EFCAB7: variants seen among roughly 807,000 people sequenced by gnomAD.
The protein encoded by EFCAB7 is EF-hand calcium binding domain 7.
A neutral mutation model predicts 77.1 loss-of-function variants in EFCAB7; 66 were observed. That is an observed-to-expected ratio of 0.86 (90% CI 0.70 to 1.05). The LOEUF is 1.05. Ranked by LOEUF, EFCAB7 falls within the 50% of genes least tolerant of loss-of-function variation. The pLI is 0.00. For missense variants in EFCAB7, 638 were observed against 730.5 expected, an observed-to-expected ratio of 0.87 and a Z score of 1.46; for synonymous variants, 225 against 243.3, an observed-to-expected ratio of 0.92 and a Z score of 0.70.
chr1:63,559,516 G>A (rs1478687883), intron 10 of EFCAB7, among the ~76,000 whole-genome samples: 4 of 152,116 alleles, frequency 2.6e-5, no homozygotes, highest in Non-Finnish European at 5.9e-5. Context: ...AGGACGGAGT[G>A]TAGTGGTGCA....
intron 1 of EFCAB7, among the ~76,000 whole-genome samples, chr1:63,523,972 C>T (rs541654794): frequency 1.3e-5 from 2 of 152,044 alleles, no homozygotes; most frequent in Admixed American, 6.6e-5. Flanking sequence ...CTGCAATGTA[C>T]TCTCTAGGCC....
chr1:63,546,140 A>G (rs1448153304), intron 7 of EFCAB7, 83 bp downstream of exon 7: 1 of 1,414,194 alleles, frequency 7.1e-7, no homozygotes, highest in African/African-American at 1.4e-5. Flanking sequence ...CCATAGTCCT[A>G]GTTAGGGAAG....
chr1:63,579,893 G>C, the EFCAB7 span, among the ~76,000 whole-genome samples: 3 of 152,000 alleles, frequency 2.0e-5, no homozygotes, highest in Admixed American at 6.6e-5. Context: ...TTTGAAATTA[G>C]GTTATTTGTT....
At chr1:63,550,441 A>G (rs772629848) in intron 7 of EFCAB7, 1 of 152,182 alleles carries the variant, frequency 6.6e-6, no homozygotes, top group Non-Finnish European at 1.5e-5. Context: ...CCATTTTAGT[A>G]TGAAGCAATG....
chr1:63,545,458 TA>T (rs936357221), intron 6 of EFCAB7, among the ~76,000 whole-genome samples: 1 of 152,126 alleles, frequency 6.6e-6, no homozygotes, highest in Non-Finnish European at 1.5e-5. Flanking sequence ...AACCATATAT[TA>T]CTGCCAATTA....
chr1:63,551,760 T>A lies in EFCAB7; in HGVS notation c.982T>A (p.Leu328Met). 1 of 1,586,240 alleles carries A rather than the reference T, an allele frequency of 6.3e-7. No homozygotes were observed. Among genetic ancestry groups the A allele is most frequent in the Non-Finnish European group, 8.6e-7 (1 of 1,166,092 alleles). Residue 328 changes from leucine to methionine, a missense_variant, in exon 8 of 14, where the codon TTG (leucine) becomes ATG (methionine). Transcript: ENST00000371088. Reference protein sequence around the residue: ...PSPWLSVDTALYILKENESQA... With the variant: ...PSPWLSVDTAMYILKENESQA... ...CCCTTGGTTATCCGTTGATACTGCCTTGTATATTCTCAAGGAAAATGAGAG... is the reference window on the plus strand; with the variant it reads ...CCCTTGGTTATCCGTTGATACTGCCATGTATATTCTCAAGGAAAATGAGAG...
At chr1:63,540,947 A>G (rs1187119024) in intron 6 of EFCAB7, among the ~76,000 whole-genome samples, 1 of 152,166 alleles carries the variant, frequency 6.6e-6, no homozygotes, top group African/African-American at 2.4e-5. Context: ...ATAAAAGGAA[A>G]TAGAGAAAAT....
At chr1:63,585,266 T>C in the EFCAB7 span, among the ~76,000 whole-genome samples, 2 of 152,056 alleles carry the variant, frequency 1.3e-5, no homozygotes, top group African/African-American at 4.8e-5. Flanking sequence ...CCATTTTATC[T>C]AAGTTGTCAA....
At chr1:63,547,159 T>TTTAAATGACAA (rs1646908381) in intron 7 of EFCAB7, 1 of 152,196 alleles carries the variant, frequency 6.6e-6, no homozygotes, top group African/African-American at 2.4e-5. Flanking sequence ...TAACAATAGT[T>TTTAAATGACAA]ATTTTTCAGA....
the EFCAB7 span, among the ~76,000 whole-genome samples, chr1:63,579,077 T>C: frequency 2.0e-5 from 3 of 152,160 alleles, no homozygotes; most frequent in Non-Finnish European, 4.4e-5. Flanking sequence ...TGACCCTTTT[T>C]TGGTGGGTTG....
In EFCAB7 at chr1:63,568,418, G is replaced by C. The variant is rs763745976; in HGVS notation, c.1606G>C (p.Val536Leu). ...GQLEKAICKS[V>L]LSNGDAKVMD... The stretch of plus-strand genomic sequence containing the variant: ...ACTTGAGAAGGCCATTTGTAAATCT[G>C]TTCTTAGCAACGGTGATGCCAAAGT... The change falls in exon 12 of 14, where the codon GTT (valine) becomes CTT (leucine). Residue 536 changes from valine to leucine, a missense_variant. Coordinates refer to ENST00000371088, the MANE Select transcript of EFCAB7 (RefSeq NM_032437.4). 1 of 1,586,014 alleles carries C rather than the reference G, an allele frequency of 6.3e-7. No individual in the cohort carries two copies. The highest frequency in any genetic ancestry group is 8.6e-7 in the Non-Finnish European group (1 of 1,168,736).
chr1:63,543,879 A>G (rs1016696169), intron 6 of EFCAB7, among the ~76,000 whole-genome samples: 3 of 152,060 alleles, frequency 2.0e-5, no homozygotes, highest in Admixed American at 2.0e-4. Context: ...GTAATGACAC[A>G]ATTTTCTCAT....
intron 7 of EFCAB7, among the ~76,000 whole-genome samples, chr1:63,551,499 G>A (rs941086434): frequency 6.6e-6 from 1 of 152,084 alleles, no homozygotes; most frequent in African/African-American, 2.4e-5. Context: ...GCTGAAGCAG[G>A]AGAATCGCTT....
At chr1:63,548,387 A>G (rs1193574872) in intron 7 of EFCAB7, 1 of 152,070 alleles carries the variant, frequency 6.6e-6, no homozygotes, top group African/African-American at 2.4e-5. Context: ...TCAAGATTTT[A>G]TCTTAATCTT....
intron 6 of EFCAB7, among the ~76,000 whole-genome samples, chr1:63,534,710 A>T (rs944830221): frequency 1.3e-5 from 2 of 152,120 alleles, no homozygotes; most frequent in African/African-American, 4.8e-5. Context: ...CATTAACTGG[A>T]AACTGCTAGG....
intron 6 of EFCAB7, among the ~76,000 whole-genome samples, chr1:63,541,090 A>G: frequency 6.6e-6 from 1 of 152,194 alleles, no homozygotes; most frequent in East Asian, 1.9e-4. Flanking sequence ...CAAAATAAAT[A>G]ATAAACACAT....
At chr1:63,542,367 G>A (rs562771036) in intron 6 of EFCAB7, among the ~76,000 whole-genome samples, 14 of 152,246 alleles carry the variant, frequency 9.2e-5, no homozygotes, top group Non-Finnish European at 2.1e-4. Context: ...ATTGACATTA[G>A]GGTTGTTTCT....
chr1:63,524,527 T>G (rs2100854001), intron 1 of EFCAB7, among the ~76,000 whole-genome samples: 1 of 152,334 alleles, frequency 6.6e-6, no homozygotes, highest in East Asian at 1.9e-4. Context: ...TGAGTAGGAA[T>G]GCAATGAGTC....
chr1:63,531,652 AG>A (rs1557670393), intron 2 of EFCAB7, among the ~76,000 whole-genome samples, 167 bp from the exon 3 acceptor site: 1 of 152,170 alleles, frequency 6.6e-6, no homozygotes, highest in Non-Finnish European at 1.5e-5. Flanking sequence ...TGTTTTTCAA[AG>A]TCAGGCCTAT....
Sources: allele counts gnomAD v4.1 joint callset (sites outside exome capture counted in the v4.1 genomes callset), GRCh38; gene constraint gnomAD v4.1.1; transcripts MANE v1.5; gene names NCBI Gene and HGNC (gene_info 2026-07-23, HGNC 2026-07-21).